The following RAP1GAP2 variants were observed in gnomAD, a reference collection of about 807,000 sequenced individuals.
The protein encoded by RAP1GAP2 is rap1 GTPase-activating protein 2.
In RAP1GAP2, 27 loss-of-function variants were observed where a neutral mutation model predicts 95.0. The observed-to-expected ratio is 0.28, with a 90% CI of 0.21 to 0.39. The LOEUF (loss-of-function observed/expected upper bound fraction) is 0.39. RAP1GAP2 is among the 10% of genes least tolerant of loss of function. RAP1GAP2 has a pLI of 1.00. For synonymous variants in RAP1GAP2, 373 were observed against 380.9 expected (o/e 0.98, Z 0.24); for missense variants, 771 against 970.0 (o/e 0.79, Z 2.72).
chr17:2,808,359 G>A (rs775590555), intron 2 of RAP1GAP2, among the ~76,000 whole-genome samples: 6 of 152,224 alleles, frequency 3.9e-5, no homozygotes, highest in African/African-American at 7.2e-5. Context: ...TCATGGAGAC[G>A]GAGAACTAGC....
At position 2,931,460 on chromosome 17, in the gene RAP1GAP2, C is replaced by T. The variant is rs149736818; in HGVS notation, c.165+26092C>T. On this transcript the variant is annotated intron_variant, in intron 3 of 24. Coordinates refer to ENST00000254695, the MANE Select transcript of RAP1GAP2 (RefSeq NM_015085.5). Reference sequence around the variant, plus strand: ...ATTCCCCCAGCCAGGACAGCGGGGCCGGGAAGGACAGCCCATTGTCCCTAC... The same window carrying T: ...ATTCCCCCAGCCAGGACAGCGGGGCTGGGAAGGACAGCCCATTGTCCCTAC... Among the ~76,000 whole-genome samples, 190 of 152,258 alleles carry T rather than the reference C, an allele frequency of 1.2e-3. 1 individual carries two copies. Among genetic ancestry groups the T allele is most frequent in the African/African-American group, 4.0e-3 (168 of 41,530 alleles).
intron 10 of RAP1GAP2, among the ~76,000 whole-genome samples, chr17:2,984,241 G>A (rs559326968): frequency 3.3e-5 from 5 of 152,210 alleles, no homozygotes; most frequent in Admixed American, 3.3e-4. Context: ...CCAACTACTC[G>A]GGAGGCTGAG....
In RAP1GAP2 at chr17:2,906,220, C is replaced by T. The variant is rs2042195172; in HGVS notation, c.165+852C>T. The stretch of plus-strand genomic sequence containing the variant: ...AGCTCCTCTCTGTCCTGGGGCTGTG[C>T]TCTGAGTGGCTCACAGGGAGATCAT... On this transcript the variant is annotated intron_variant, in intron 3 of 24. Coordinates refer to ENST00000254695, the MANE Select transcript of RAP1GAP2 (RefSeq NM_015085.5). This position sits in a 1 kb window ranked among gnomAD's most constrained non-coding sequence, Gnocchi z 4.3. Among the ~76,000 whole-genome samples the T allele has an allele frequency of 6.6e-6, 1 of 152,210 alleles. No individual in the cohort carries two copies. The highest frequency in any genetic ancestry group is 2.4e-5 in the African/African-American group (1 of 41,454).
At chr17:2,987,542 G>A (rs1452827816) in intron 11 of RAP1GAP2, among the ~76,000 whole-genome samples, 2 of 151,904 alleles carry the variant, frequency 1.3e-5, no homozygotes, top group Non-Finnish European at 2.9e-5. Flanking sequence ...TGTATTTTTA[G>A]TAGAGACGGG....
chr17:2,872,217 A>AAAAAAAAG (rs2072875393), intron 2 of RAP1GAP2, among the ~76,000 whole-genome samples: 1 of 150,550 alleles, frequency 6.6e-6, no homozygotes, highest in Non-Finnish European at 1.5e-5. Context: ...CTGTCTCAAA[A>AAAAAAAAG]AAAAAAAAAA....
At position 3,036,545 on chromosome 17, in the gene RAP1GAP2, C is replaced by G. The variant is rs775865318; in HGVS notation, c.*3184C>G. Reference sequence around the variant, plus strand: ...AGTCTCTAGGATTTTTCAGTGAGGACCCTTGGGCTTTGGATGCAGCTTGAA... The same window carrying G: ...AGTCTCTAGGATTTTTCAGTGAGGAGCCTTGGGCTTTGGATGCAGCTTGAA... On this transcript the variant is annotated 3_prime_UTR_variant, in exon 25 of 25. Transcript: ENST00000254695. The G allele has an allele frequency of 9.8e-5, 15 of 152,372 alleles. No homozygotes were observed. Among genetic ancestry groups the G allele is most frequent in the Non-Finnish European group, 1.6e-4 (11 of 68,104 alleles). The allele number at this position is 152,372 out of a possible 1,614,324, so 9.4% of individuals were successfully genotyped here.
At chr17:2,929,895 C>G (rs1014830797) in intron 3 of RAP1GAP2, among the ~76,000 whole-genome samples, 15 of 152,210 alleles carry the variant, frequency 9.9e-5, no homozygotes, top group African/African-American at 2.9e-4. Flanking sequence ...AGTGCACCCA[C>G]TTCTCCAGTA....
intron 1 of RAP1GAP2, among the ~76,000 whole-genome samples, chr17:2,764,689 C>G (rs1407670446): frequency 2.6e-5 from 4 of 152,022 alleles, no homozygotes; most frequent in Non-Finnish European, 1.5e-5. Flanking sequence ...CCACTGCACT[C>G]CAGCCTGGGT....
At position 3,004,486 on chromosome 17, in the gene RAP1GAP2, G is replaced by T. The variant is rs2046271802; in HGVS notation, c.1201-883G>T. On this transcript the variant is annotated intron_variant, in intron 14 of 24. Coordinates refer to ENST00000254695, the MANE Select transcript of RAP1GAP2 (RefSeq NM_015085.5). The surrounding 1 kb of genome is among the most constrained non-coding windows in gnomAD (Gnocchi z 4.1). ...GCGGCTGTGTAGGGAAGGGAGGGCA[G>T]TCTCCCGAGAGCCTCACAGCCTCGT... is the stretch of plus-strand genomic sequence containing the variant. 1.3e-5 allele frequency among the ~76,000 whole-genome samples: 2 copies of T among 152,226 alleles called. No homozygotes were observed. The highest frequency in any genetic ancestry group is 4.1e-4 in the South Asian group (2 of 4,836).
intron 2 of RAP1GAP2, among the ~76,000 whole-genome samples, chr17:2,803,739 TG>T (rs2069397435): frequency 6.6e-6 from 1 of 151,962 alleles, no homozygotes; most frequent in South Asian, 2.1e-4. Flanking sequence ...ATTAGCCCAG[TG>T]TGGTGGTGTG....
chr17:3,020,717 T>C (rs4790416), intron 19 of RAP1GAP2, 122 bp downstream of exon 19: 759,771 of 815,992 alleles, frequency 0.93, 354,501 homozygotes, highest in Non-Finnish European at 0.95. Flanking sequence ...AGGAGATGGC[T>C]CTGCCTTCAG....
intron 2 of RAP1GAP2, among the ~76,000 whole-genome samples, chr17:2,891,538 C>G (rs2073716707): frequency 6.6e-6 from 1 of 151,056 alleles, no homozygotes; most frequent in Admixed American, 6.6e-5. Context: ...CATCAGATAA[C>G]CTGTCAATTC....
chr17:2,982,903 A>G (rs1183619561), intron 10 of RAP1GAP2, among the ~76,000 whole-genome samples: 1 of 152,190 alleles, frequency 6.6e-6, no homozygotes, highest in African/African-American at 2.4e-5. Context: ...TCTGGCTGAG[A>G]TGCACGCATG....
chr17:2,760,156 G>C (rs1168353225), intron 1 of RAP1GAP2, among the ~76,000 whole-genome samples: 2 of 151,542 alleles, frequency 1.3e-5, no homozygotes, highest in African/African-American at 4.8e-5. Context: ...AGCCAGGCGT[G>C]GTGGCGGGAG....
Position 2,902,712 on chromosome 17 carries a change from TGA to T in RAP1GAP2, c.81-2568_81-2567del. Reference sequence around the variant, plus strand: ...TCAGAAGCTGCCATGTGCTCCGACTTGAGAGTCTGCCTCGCTTCCTAGAGACC... The same window carrying T: ...TCAGAAGCTGCCATGTGCTCCGACTTGAGTCTGCCTCGCTTCCTAGAGACC... On this transcript the variant is annotated intron_variant, in intron 2 of 24. Transcript: ENST00000254695. The surrounding 1 kb of genome is among the most constrained non-coding windows in gnomAD (Gnocchi z 4.1). Among the ~76,000 whole-genome samples the T allele has an allele frequency of 6.6e-6, 1 of 152,190 alleles. No homozygotes were observed. The highest frequency in any genetic ancestry group is 1.9e-4 in the East Asian group (1 of 5,168).
intron 2 of RAP1GAP2, among the ~76,000 whole-genome samples, chr17:2,809,680 C>T (rs2069673548): frequency 6.6e-6 from 1 of 152,196 alleles, no homozygotes; most frequent in African/African-American, 2.4e-5. Context: ...TCGCTGGGAG[C>T]TGGATTTGGC....
At chr17:3,028,205 T>C (rs1350463718) in intron 22 of RAP1GAP2, among the ~76,000 whole-genome samples, 1 of 152,166 alleles carries the variant, frequency 6.6e-6, no homozygotes, top group African/African-American at 2.4e-5. Flanking sequence ...GAGCTCATGC[T>C]TGTACGAGGC....
rs541017329 is a variant in RAP1GAP2, at chr17:3,027,349, C to G, written c.2107+279C>G. ...GGAGTCGGGATTGGCAGTGGGAAAG[C>G]TGAGCACTTTCCATTAGCCCTTCTC... On this transcript the variant is annotated intron_variant, in intron 22 of 24. Coordinates refer to ENST00000254695, the MANE Select transcript of RAP1GAP2 (RefSeq NM_015085.5). This position sits in a 1 kb window ranked among gnomAD's most constrained non-coding sequence, Gnocchi z 5.2. Among the ~76,000 whole-genome samples, 11 of 152,278 alleles carry G rather than the reference C, an allele frequency of 7.2e-5. No individual in the cohort carries two copies. In the South Asian group the frequency reaches 2.1e-3, roughly 29 times the overall value.
At chr17:2,762,437 G>A (rs1169959501) in intron 1 of RAP1GAP2, among the ~76,000 whole-genome samples, 6 of 133,504 alleles carry the variant, frequency 4.5e-5, no homozygotes, top group South Asian at 4.6e-4. Context: ...TTACTCTGTC[G>A]CCGAGGCTGG....
Sources: allele counts gnomAD v4.1 joint callset (sites outside exome capture counted in the v4.1 genomes callset), GRCh38; gene constraint gnomAD v4.1.1; non-coding constraint Gnocchi (gnomAD v3.1); transcripts MANE v1.5; gene names NCBI Gene and HGNC (gene_info 2026-07-23, HGNC 2026-07-21).